The following SYN3 variants were observed in gnomAD, a reference collection of about 807,000 sequenced individuals.
SYN3 encodes synapsin III.
Under a neutral mutation model 65.8 loss-of-function variants are expected in SYN3, and 35 were observed. The observed-to-expected ratio is 0.53, with a 90% confidence interval of 0.41 to 0.70. The LOEUF is 0.70. Ranked by LOEUF, SYN3 falls within the 30% of genes least tolerant of loss-of-function variation. SYN3 has a pLI of 0.00. For missense variants in SYN3, 680 were observed against 749.0 expected (o/e 0.91, Z 1.08); for synonymous variants, 270 against 292.9 (o/e 0.92, Z 0.80).
intron 4 of SYN3, among the ~76,000 whole-genome samples, chr22:32,929,723 A>C (rs1438468314): frequency 6.6e-6 from 1 of 152,114 alleles, no homozygotes; most frequent in Non-Finnish European, 1.5e-5. Flanking sequence ...TCCTTTGGGG[A>C]ATCTCAGCTT....
intron 6 of SYN3, among the ~76,000 whole-genome samples, chr22:32,670,383 G>A (rs990566000): frequency 6.6e-6 from 1 of 152,192 alleles, no homozygotes; most frequent in Non-Finnish European, 1.5e-5. Context: ...TTTGGCTTTA[G>A]GCTATAGGGG....
At chr22:32,868,112 G>A (rs544151161) in intron 5 of SYN3, among the ~76,000 whole-genome samples, 89 of 152,284 alleles carry the variant, frequency 5.8e-4, no homozygotes, top group Middle Eastern at 3.4e-3. Flanking sequence ...CTTCACACGA[G>A]AGCGACAGTT....
At chr22:32,671,458 CACAG>C (rs1228923745) in intron 6 of SYN3, among the ~76,000 whole-genome samples, 6 of 152,186 alleles carry the variant, frequency 3.9e-5, no homozygotes, top group African/African-American at 7.2e-5. Flanking sequence ...CCCTCACACA[CACAG>C]ACACACCCAC....
intron 6 of SYN3, among the ~76,000 whole-genome samples, chr22:32,738,890 G>A (rs1450483377): frequency 6.6e-6 from 1 of 152,226 alleles, no homozygotes; most frequent in Non-Finnish European, 1.5e-5. Flanking sequence ...CCAGGTGAGT[G>A]GGTCTAATCC....
chr22:32,830,629 G>A (rs78161683), intron 6 of SYN3, among the ~76,000 whole-genome samples: 1,693 of 152,284 alleles, frequency 0.011, 32 homozygotes, highest in African/African-American at 0.038. Context: ...AGGAATTCTC[G>A]TTGGAAAACA....
At chr22:33,002,616 C>T (rs777361245) in intron 2 of SYN3, among the ~76,000 whole-genome samples, 12 of 152,016 alleles carry the variant, frequency 7.9e-5, no homozygotes, top group Non-Finnish European at 1.3e-4. Flanking sequence ...TGCACTACAG[C>T]CTGGGCAAGA....
At chr22:32,769,577 C>G (rs1014042208) in intron 6 of SYN3, among the ~76,000 whole-genome samples, 2 of 150,524 alleles carry the variant, frequency 1.3e-5, no homozygotes, top group Admixed American at 6.6e-5. Context: ...AGTACAGTGG[C>G]GCGATCTCGG....
At chr22:32,844,345 G>T (rs2048002425) in intron 6 of SYN3, among the ~76,000 whole-genome samples, 1 of 152,160 alleles carries the variant, frequency 6.6e-6, no homozygotes, top group East Asian at 1.9e-4. Context: ...AATTGCCATT[G>T]GAAAATTGTT....
intron 6 of SYN3, among the ~76,000 whole-genome samples, chr22:32,719,463 T>C (rs888556961): frequency 2.6e-5 from 4 of 152,186 alleles, no homozygotes; most frequent in Admixed American, 1.3e-4. Context: ...TCCATGAAGA[T>C]AGGGATTGTT....
At chr22:32,755,126 C>T (rs968682666) in intron 6 of SYN3, among the ~76,000 whole-genome samples, 5 of 152,184 alleles carry the variant, frequency 3.3e-5, no homozygotes, top group East Asian at 1.9e-4. Flanking sequence ...AAACTAACAT[C>T]GAACATTTAC....
At chr22:32,638,564 G>C (rs902185248) in intron 6 of SYN3, among the ~76,000 whole-genome samples, 1 of 152,204 alleles carries the variant, frequency 6.6e-6, no homozygotes, top group Non-Finnish European at 1.5e-5. Flanking sequence ...GATGATTAGT[G>C]ATGATGAGCA....
At chr22:32,931,332 A>T in intron 4 of SYN3, 58 bp downstream of exon 4, 2 of 1,158,696 alleles carry the variant, frequency 1.7e-6, no homozygotes, top group Non-Finnish European at 2.6e-6. Flanking sequence ...GGGGTGGGCT[A>T]CATGAGGTTC....
At position 32,859,369 on chromosome 22, in the gene SYN3, G is replaced by T. The variant is rs1804709; in HGVS notation, c.711+5546C>A. 3 of 1,610,012 alleles carry T rather than the reference G, an allele frequency of 1.9e-6. No individual in the cohort carries two copies. The East Asian group carries it at 6.7e-5, about 36-fold the overall frequency. ...GGATAAAAGCATCATCAATGCCACA[G>T]ACCCCTGAGCGCCAGACCCTGCCCC... On this transcript the variant is annotated intron_variant, in intron 6 of 13. Coordinates refer to ENST00000358763, the MANE Select transcript of SYN3 (RefSeq NM_003490.4).
chr22:32,993,823 C>G (rs552020656), intron 2 of SYN3, among the ~76,000 whole-genome samples: 2 of 152,324 alleles, frequency 1.3e-5, no homozygotes, highest in East Asian at 1.9e-4. Context: ...GCACCAGCCT[C>G]AAGACCCCAC....
At chr22:32,544,299 C>G (rs1396070200) in intron 7 of SYN3, among the ~76,000 whole-genome samples, 1 of 152,192 alleles carries the variant, frequency 6.6e-6, no homozygotes, top group Non-Finnish European at 1.5e-5. Flanking sequence ...TTTTTACTCT[C>G]TTGCTTTTCA....
At chr22:33,020,987 G>T (rs2053550373) in intron 1 of SYN3, among the ~76,000 whole-genome samples, 1 of 152,188 alleles carries the variant, frequency 6.6e-6, no homozygotes, top group Non-Finnish European at 1.5e-5. Context: ...ATCTAAAACA[G>T]TGCTTGGCAC....
intron 12 of SYN3, among the ~76,000 whole-genome samples, chr22:32,526,670 C>T (rs2057982817): frequency 6.6e-6 from 1 of 152,074 alleles, no homozygotes; most frequent in Non-Finnish European, 1.5e-5. Context: ...TGCACACCAC[C>T]ACCACATCTG....
intron 7 of SYN3, among the ~76,000 whole-genome samples, chr22:32,588,610 C>T (rs145984520): frequency 1.3e-5 from 2 of 152,240 alleles, no homozygotes; most frequent in East Asian, 1.9e-4. Context: ...TCATTACAAC[C>T]CTGGGAGGGA....
At chr22:33,003,896 C>T (rs963839565) in intron 2 of SYN3, among the ~76,000 whole-genome samples, 1 of 152,208 alleles carries the variant, frequency 6.6e-6, no homozygotes, top group Non-Finnish European at 1.5e-5. Context: ...CAGGGCCCTC[C>T]CTCCTGTGTG....
Sources: gnomAD v4.1 joint callset for allele counts (sites outside exome capture counted in the v4.1 genomes callset) on GRCh38, gnomAD v4.1.1 for gene constraint, MANE v1.5 for transcripts, NCBI Gene and HGNC (gene_info 2026-07-23, HGNC 2026-07-21) for gene names.